The following PCSK6 variants were observed in gnomAD, a reference collection of about 807,000 sequenced individuals.
PCSK6 encodes the protein proprotein convertase subtilisin/kexin type 6.
PCSK6 carries 85 observed loss-of-function variants against 123.3 expected under a neutral mutation model. That is an observed-to-expected ratio of 0.69 (90% CI 0.58 to 0.83). The LOEUF is 0.83. PCSK6 is among the 40% of genes least tolerant of loss of function. PCSK6 has a pLI of 0.00. For synonymous variants in PCSK6, 508 were observed against 516.0 expected, an observed-to-expected ratio of 0.98 and a Z score of 0.21; for missense variants, 1,191 against 1,282.3, an observed-to-expected ratio of 0.93 and a Z score of 1.09.
At chr15:101,414,452 T>TA (rs1230386700) in intron 6 of PCSK6, among the ~76,000 whole-genome samples, 4 of 152,194 alleles carry the variant, frequency 2.6e-5, no homozygotes, top group Admixed American at 1.3e-4. Flanking sequence ...GTAAACTTGT[T>TA]AAAAATAATA....
At chr15:101,415,040 GAGAT>G (rs907205297) in intron 6 of PCSK6, among the ~76,000 whole-genome samples, 45 of 152,250 alleles carry the variant, frequency 3.0e-4, no homozygotes, top group African/African-American at 9.4e-4. Context: ...GGGCAAAAAT[GAGAT>G]AGAGAGGATT....
chr15:101,403,075 G>A (rs1018411122), intron 6 of PCSK6, among the ~76,000 whole-genome samples: 3 of 152,004 alleles, frequency 2.0e-5, no homozygotes, highest in African/African-American at 4.8e-5. Context: ...TATACGCCAT[G>A]GAATACTATG....
chr15:101,423,343 T>A (rs1226758489), intron 6 of PCSK6, among the ~76,000 whole-genome samples: 1 of 150,650 alleles, frequency 6.6e-6, no homozygotes, highest in East Asian at 2.0e-4. Context: ...CACTGCAACC[T>A]CCGCCTCCCA....
intron 6 of PCSK6, among the ~76,000 whole-genome samples, chr15:101,409,997 A>G (rs748296242): frequency 2.0e-5 from 3 of 152,108 alleles, no homozygotes; most frequent in Admixed American, 6.5e-5. Flanking sequence ...CAGTGCCACA[A>G]TCATTGCTCA....
chr15:101,317,636 G>A (rs1403875947), intron 19 of PCSK6, among the ~76,000 whole-genome samples: 1 of 152,150 alleles, frequency 6.6e-6, no homozygotes, highest in Non-Finnish European at 1.5e-5. Context: ...AATGTTTATG[G>A]TGTTGTGTTT....
intron 13 of PCSK6, among the ~76,000 whole-genome samples, chr15:101,343,849 G>A (rs2040673104): frequency 6.6e-6 from 1 of 152,168 alleles, no homozygotes; most frequent in African/African-American, 2.4e-5. Flanking sequence ...CCAGCACTTT[G>A]GGAGGCCAAG....
At chr15:101,328,501 C>A (rs1387561194) in intron 15 of PCSK6, among the ~76,000 whole-genome samples, 1 of 152,124 alleles carries the variant, frequency 6.6e-6, no homozygotes, top group Admixed American at 6.5e-5. Context: ...GTGCAGATGT[C>A]CTCACCATCT....
chr15:101,426,787 T>C (rs12591797), intron 6 of PCSK6, among the ~76,000 whole-genome samples: 3,252 of 82,012 alleles, frequency 0.04, 125 homozygotes, highest in African/African-American at 0.11. Context: ...CGGCAGAAAG[T>C]GGCTGCAGCC....
chr15:101,306,621 T>G (rs2039729731), intron 21 of PCSK6, among the ~76,000 whole-genome samples: 1 of 152,216 alleles, frequency 6.6e-6, no homozygotes, highest in Non-Finnish European at 1.5e-5. Context: ...CAACCCTCCT[T>G]GGTGCCTGGA....
At chr15:101,310,100 G>C (rs537244653) in intron 20 of PCSK6, among the ~76,000 whole-genome samples, 1 of 152,350 alleles carries the variant, frequency 6.6e-6, no homozygotes, top group South Asian at 2.1e-4. Context: ...GTGGTTCTCA[G>C]CTCAGGCTGT....
intron 1 of PCSK6, among the ~76,000 whole-genome samples, chr15:101,484,647 T>G (rs1007596674): frequency 1.2e-4 from 18 of 152,204 alleles, no homozygotes; most frequent in African/African-American, 4.3e-4. Context: ...CGCCTCTGCC[T>G]CCCAAAGTGC....
rs185908307 is a variant in PCSK6 at position 101,370,049 on chromosome 15, G to A, written c.1721+286C>T. ...TAGCCAGAATTCCACAAATCCCTCC[G>A]CTAAACAACAAAAAACGAAACAACA... On this transcript the variant is annotated intron_variant, in intron 12 of 21. Coordinates refer to ENST00000611716, the MANE Select transcript of PCSK6 (RefSeq NM_002570.5). Among the ~76,000 whole-genome samples, 302 of 152,096 alleles carry A rather than the reference G, an allele frequency of 2.0e-3. 1 individual carries two copies. The highest frequency in any genetic ancestry group is 3.5e-3 in the Non-Finnish European group (239 of 68,014).
At chr15:101,461,469 C>G (rs1228008473) in intron 1 of PCSK6, among the ~76,000 whole-genome samples, 2 of 152,126 alleles carry the variant, frequency 1.3e-5, no homozygotes, top group Non-Finnish European at 2.9e-5. Flanking sequence ...ACAAGCTCTT[C>G]CAGAGAACAG....
At chr15:101,358,266 C>G (rs2041105557) in intron 13 of PCSK6, among the ~76,000 whole-genome samples, 1 of 152,198 alleles carries the variant, frequency 6.6e-6, no homozygotes, top group African/African-American at 2.4e-5. Flanking sequence ...GGGGCAGTCG[C>G]CATCTCCTAA....
intron 10 of PCSK6, 125 bp from the exon 11 acceptor site, chr15:101,382,334 G>A: frequency 2.8e-6 from 2 of 727,180 alleles, no homozygotes; most frequent in Non-Finnish European, 4.5e-6. Flanking sequence ...GTCTCCTGGG[G>A]GCCCCAGGCT....
chr15:101,329,526 G>A (rs768546530), intron 15 of PCSK6, among the ~76,000 whole-genome samples: 59 of 152,196 alleles, frequency 3.9e-4, no homozygotes, highest in Admixed American at 2.6e-4. Context: ...GCGACCTGAG[G>A]CTTCTGGGCC....
rs372618784 is a variant in PCSK6, at chr15:101,330,588, G to A, written c.2077+1063C>T. Among the ~76,000 whole-genome samples, 5 of 152,152 alleles carry A rather than the reference G, an allele frequency of 3.3e-5. No individual in the cohort carries two copies. In the East Asian group the frequency reaches 7.7e-4, roughly 23 times the overall value. On this transcript the variant is annotated intron_variant, in intron 15 of 21. Coordinates refer to ENST00000611716, the MANE Select transcript of PCSK6 (RefSeq NM_002570.5). Reference sequence around the variant, plus strand: ...TGGTCTGCCCATCCCACTCACCCCTGAGACTTGAGGGGGCTTCTCTGAGAG... The same window carrying A: ...TGGTCTGCCCATCCCACTCACCCCTAAGACTTGAGGGGGCTTCTCTGAGAG...
At chr15:101,411,551 G>A (rs2055686715) in intron 6 of PCSK6, among the ~76,000 whole-genome samples, 1 of 152,124 alleles carries the variant, frequency 6.6e-6, no homozygotes, top group Non-Finnish European at 1.5e-5. Flanking sequence ...CCAAGAAGCA[G>A]CCCATGTTTG....
At chr15:101,432,230 T>C in intron 2 of PCSK6, 130 bp from the exon 3 acceptor site, 1 of 753,142 alleles carries the variant, frequency 1.3e-6, no homozygotes, top group Non-Finnish European at 2.3e-6. Flanking sequence ...AGATGGTAAG[T>C]TCCTGGGGAC....
Sources: gnomAD v4.1 joint callset for allele counts (sites outside exome capture counted in the v4.1 genomes callset) on GRCh38, gnomAD v4.1.1 for gene constraint, MANE v1.5 for transcripts, NCBI Gene and HGNC (gene_info 2026-07-23, HGNC 2026-07-21) for gene names.